The following CSMD1 variants were observed in gnomAD, a reference collection of about 807,000 sequenced individuals.
The protein encoded by CSMD1 is CUB and Sushi multiple domains 1.
A neutral mutation model predicts 417.5 loss-of-function variants in CSMD1; 213 were observed. The ratio of observed to expected loss-of-function variants is 0.51; its 90% CI spans 0.46 to 0.57. The LOEUF is 0.57. Among genes scored for constraint, CSMD1 ranks in the 20% least tolerant of loss-of-function variants. The pLI is 0.00. For synonymous variants in CSMD1, 2,862 were observed against 1,736.8 expected, an observed-to-expected ratio of 1.65 and a Z score of -16.11; for missense variants, 6,923 against 4,529.7, an observed-to-expected ratio of 1.53 and a Z score of -15.17.
At chr8:4,653,011 C>T (rs558875345) in intron 1 of CSMD1, among the ~76,000 whole-genome samples, 25 of 152,054 alleles carry the variant, frequency 1.6e-4, no homozygotes, top group Non-Finnish European at 3.1e-4. Context: ...CTGTGTGGTC[C>T]GGTTCCTAAC....
chr8:3,894,330 C>T (rs1293727400), intron 5 of CSMD1, among the ~76,000 whole-genome samples: 1 of 152,162 alleles, frequency 6.6e-6, no homozygotes, highest in Non-Finnish European at 1.5e-5. Context: ...AAGCTTTGCT[C>T]TGGATTTTTT....
At chr8:3,497,626 T>G (rs1418353455) in intron 10 of CSMD1, among the ~76,000 whole-genome samples, 5 of 152,150 alleles carry the variant, frequency 3.3e-5, no homozygotes, top group Non-Finnish European at 7.3e-5. Context: ...TTCCTGCTAG[T>G]TTTTGGTTTC....
intron 1 of CSMD1, among the ~76,000 whole-genome samples, chr8:4,842,586 G>A (rs1479602856): frequency 2.6e-5 from 4 of 152,198 alleles, no homozygotes; most frequent in African/African-American, 9.7e-5. Flanking sequence ...TAGGGCACAT[G>A]TATCCCTGCT....
intron 2 of CSMD1, among the ~76,000 whole-genome samples, chr8:4,516,436 C>A (rs944896046): frequency 6.6e-6 from 1 of 152,172 alleles, no homozygotes; most frequent in Non-Finnish European, 1.5e-5. Context: ...AAGGCCTCTG[C>A]CCCAGAGACG....
At chr8:3,500,350 G>C (rs1040355645) in intron 10 of CSMD1, among the ~76,000 whole-genome samples, 1 of 152,122 alleles carries the variant, frequency 6.6e-6, no homozygotes, top group Non-Finnish European at 1.5e-5. Context: ...ATTTCTAGAT[G>C]GTACGTCAAG....
At chr8:4,148,389 G>A (rs1402877044) in intron 3 of CSMD1, among the ~76,000 whole-genome samples, 5 of 149,294 alleles carry the variant, frequency 3.3e-5, no homozygotes, top group African/African-American at 9.9e-5. Context: ...GAGGGCGGAG[G>A]AATAGCATTA....
At position 4,604,339 on chromosome 8, in the gene CSMD1, T is replaced by A. The variant is rs896635393; in HGVS notation, c.302+33003A>T. The stretch of plus-strand genomic sequence containing the variant: ...ATTAAATGGTTATATATACAATATA[T>A]ATATAATATATTATTCTAGTCTTTA... On this transcript the variant is annotated intron_variant, in intron 2 of 69. Coordinates refer to ENST00000635120, the MANE Select transcript of CSMD1 (RefSeq NM_033225.6). 2.0e-5 allele frequency among the ~76,000 whole-genome samples: 3 copies of A among 150,946 alleles called. No individual in the cohort carries two copies. In the South Asian group the frequency reaches 6.2e-4, roughly 31 times the overall value.
chr8:3,951,361 G>C (rs967248179), intron 5 of CSMD1, among the ~76,000 whole-genome samples: 2 of 152,286 alleles, frequency 1.3e-5, no homozygotes, highest in East Asian at 1.9e-4. Context: ...AGGAATTCAA[G>C]AATTCAATAA....
chr8:4,481,788 G>C (rs918484670), intron 2 of CSMD1, among the ~76,000 whole-genome samples: 5 of 152,144 alleles, frequency 3.3e-5, no homozygotes, highest in African/African-American at 1.2e-4. Context: ...ACTATTGTGA[G>C]CACATAATGG....
At chr8:3,757,464 A>G (rs1216510810) in intron 5 of CSMD1, among the ~76,000 whole-genome samples, 2 of 152,032 alleles carry the variant, frequency 1.3e-5, no homozygotes. Flanking sequence ...TTTTGATTGT[A>G]TTTTTTCAGT....
At chr8:4,174,529 C>A (rs532841984) in intron 3 of CSMD1, among the ~76,000 whole-genome samples, 1 of 150,832 alleles carries the variant, frequency 6.6e-6, no homozygotes, top group Non-Finnish European at 1.5e-5. Flanking sequence ...ACCCCCATGT[C>A]CACCCACCTC....
chr8:3,964,975 C>A (rs1473137742), intron 5 of CSMD1, among the ~76,000 whole-genome samples: 1 of 152,148 alleles, frequency 6.6e-6, no homozygotes, highest in Non-Finnish European at 1.5e-5. Flanking sequence ...TGGAGAGTCA[C>A]AGCAAACTCT....
At chr8:3,091,489 T>A (rs765195560) in intron 48 of CSMD1, 27 bp downstream of exon 48, 1 of 1,542,322 alleles carries the variant, frequency 6.5e-7, no homozygotes, top group South Asian at 1.2e-5. Context: ...AATACTTTCA[T>A]ATAAAATCTA....
At chr8:3,258,888 C>A (rs761061923) in intron 26 of CSMD1, among the ~76,000 whole-genome samples, 1 of 152,108 alleles carries the variant, frequency 6.6e-6, no homozygotes, top group Admixed American at 6.6e-5. Flanking sequence ...GGGAGCTAAA[C>A]GATGAGAACA....
chr8:4,001,817 A>G (rs947957607), intron 4 of CSMD1, among the ~76,000 whole-genome samples: 4 of 152,164 alleles, frequency 2.6e-5, no homozygotes, highest in Non-Finnish European at 5.9e-5. Flanking sequence ...CTTTGTTGGG[A>G]AAGGAGTAGA....
At chr8:3,785,789 G>A (rs554047496) in intron 5 of CSMD1, among the ~76,000 whole-genome samples, 5 of 152,134 alleles carry the variant, frequency 3.3e-5, no homozygotes, top group African/African-American at 1.2e-4. Context: ...AGAGTAGGTA[G>A]GTCCAGGCTG....
At chr8:3,870,202 T>C (rs1254552314) in intron 5 of CSMD1, among the ~76,000 whole-genome samples, 2 of 152,168 alleles carry the variant, frequency 1.3e-5, no homozygotes, top group Admixed American at 6.5e-5. Flanking sequence ...AAGAAGAAAA[T>C]GTCAACCATA....
At chr8:4,421,118 G>C (rs888057610) in intron 2 of CSMD1, among the ~76,000 whole-genome samples, 1 of 151,140 alleles carries the variant, frequency 6.6e-6, no homozygotes, top group African/African-American at 2.4e-5. Flanking sequence ...TCACATGAAG[G>C]AGTAAATGAC....
Position 4,265,796 on chromosome 8 carries a change from T to C in CSMD1, c.415+154157A>G, listed in dbSNP as rs1563359157. On this transcript the variant is annotated intron_variant, in intron 3 of 69. Transcript: ENST00000635120. ...AAGTTTCCCTAATGTGATGTTGACT[T>C]TTATAAACTCTCACCATTTACCTAT... Among the ~76,000 whole-genome samples, 2 of 104,948 alleles carry C rather than the reference T, an allele frequency of 1.9e-5. 1 individual carries two copies. The highest frequency in any genetic ancestry group is 5.1e-5 in the Non-Finnish European group (2 of 39,004). 68.8% of individuals were successfully genotyped at this position (104,948 alleles called of 152,430 possible).
Sources: allele counts gnomAD v4.1 joint callset (sites outside exome capture counted in the v4.1 genomes callset), GRCh38; gene constraint gnomAD v4.1.1; transcripts MANE v1.5; gene names NCBI Gene and HGNC (gene_info 2026-07-23, HGNC 2026-07-21).